The following FOXP2 variants were observed in gnomAD, a reference collection of about 807,000 sequenced individuals.
FOXP2 encodes forkhead box protein P2.
FOXP2 carries 12 observed loss-of-function variants against 115.8 expected under a neutral mutation model. That is an observed-to-expected ratio of 0.10 (90% CI 0.07 to 0.17). FOXP2 has a LOEUF of 0.17. FOXP2 is among the 10% of genes least tolerant of loss of function. FOXP2 has a pLI of 1.00. For synonymous variants in FOXP2, 328 were observed against 297.7 expected, an observed-to-expected ratio of 1.10 and a Z score of -1.05; for missense variants, 629 against 843.5, an observed-to-expected ratio of 0.75 and a Z score of 3.15.
chr7:114,518,940 C>T (rs972195469), intron 2 of FOXP2, among the ~76,000 whole-genome samples: 5 of 152,030 alleles, frequency 3.3e-5, no homozygotes, highest in African/African-American at 7.3e-5. Flanking sequence ...TTTGCATCAC[C>T]GTCATTATTC....
chr7:114,538,244 A>T (rs1799491692), intron 3 of FOXP2: 1 of 1,045,318 alleles, frequency 9.6e-7, no homozygotes, highest in African/African-American at 1.7e-5. Context: ...ATACATTTTC[A>T]ATTTTCTAGC....
intron 2 of FOXP2, among the ~76,000 whole-genome samples, chr7:114,355,746 G>C (rs1202928918): frequency 6.6e-6 from 1 of 152,082 alleles, no homozygotes; most frequent in Non-Finnish European, 1.5e-5. Flanking sequence ...TGATGGCCGG[G>C]GCTAGTTGAT....
At chr7:114,661,829 T>TA in intron 13 of FOXP2, 1 of 471,506 alleles carries the variant, frequency 2.1e-6, no homozygotes, top group South Asian at 2.1e-5. Flanking sequence ...AAGGAAGGTT[T>TA]TGACACAGCT....
chr7:114,664,256 A>G lies in FOXP2; in HGVS notation c.1840-17A>G. Reference sequence around the variant, plus strand: ...TGCCATTTTGAAAGTTGTTTTACACAATCTTCATTTCACTAGGCTGCCTTG... The same window carrying G: ...TGCCATTTTGAAAGTTGTTTTACACGATCTTCATTTCACTAGGCTGCCTTG... On this transcript the variant is annotated splice_polypyrimidine_tract_variant and intron_variant, in intron 15 of 16. Coordinates refer to ENST00000350908, the MANE Select transcript of FOXP2 (RefSeq NM_014491.4). 5 of 1,612,092 alleles carry G rather than the reference A, an allele frequency of 3.1e-6. No individual in the cohort carries two copies. Among genetic ancestry groups the G allele is most frequent in the Non-Finnish European group, 4.2e-6 (5 of 1,179,470 alleles).
intron 1 of FOXP2, among the ~76,000 whole-genome samples, chr7:114,187,682 T>A (rs1456515766): frequency 6.6e-6 from 1 of 152,242 alleles, no homozygotes; most frequent in Non-Finnish European, 1.5e-5. Flanking sequence ...TGTACATTTT[T>A]AGGTATTTGT....
chr7:114,172,270 C>T (rs560437107), intron 1 of FOXP2, among the ~76,000 whole-genome samples: 12 of 152,084 alleles, frequency 7.9e-5, no homozygotes, highest in Admixed American at 5.2e-4. Context: ...ACTGAACCTG[C>T]GATACCTCCA....
chr7:114,575,359 G>T (rs1801519250), intron 3 of FOXP2, among the ~76,000 whole-genome samples: 1 of 151,856 alleles, frequency 6.6e-6, no homozygotes, highest in African/African-American at 2.4e-5. Flanking sequence ...TTGCTTGGAT[G>T]AAAGAGTCAA....
chr7:114,158,109 A>G (rs369341386), upstream of FOXP2, among the ~76,000 whole-genome samples: 3 of 152,248 alleles, frequency 2.0e-5, no homozygotes, highest in South Asian at 2.1e-4. Flanking sequence ...GCAAAAGAGG[A>G]TGAAAAATTG....
At chr7:114,551,496 A>G (rs1800205414) in intron 3 of FOXP2, among the ~76,000 whole-genome samples, 1 of 152,208 alleles carries the variant, frequency 6.6e-6, no homozygotes. Context: ...TCACTTACAG[A>G]TGAGCAGAAT....
At chr7:114,670,543 T>C (rs1399426794) in intron 16 of FOXP2, among the ~76,000 whole-genome samples, 3 of 152,196 alleles carry the variant, frequency 2.0e-5, no homozygotes, top group Non-Finnish European at 4.4e-5. Context: ...GATAATATTT[T>C]GCCCCATAGA....
chr7:114,407,909 A>C (rs1793072874), intron 2 of FOXP2, among the ~76,000 whole-genome samples: 1 of 152,178 alleles, frequency 6.6e-6, no homozygotes, highest in African/African-American at 2.4e-5. Context: ...ATATTAGTCC[A>C]TGTTTCATCA....
intron 2 of FOXP2, among the ~76,000 whole-genome samples, chr7:114,448,344 G>A (rs1037501990): frequency 2.6e-5 from 4 of 151,962 alleles, no homozygotes; most frequent in Non-Finnish European, 5.9e-5. Context: ...TATCTCCTTT[G>A]ATTCATGAGC....
intron 3 of FOXP2, among the ~76,000 whole-genome samples, chr7:114,569,049 C>A (rs1563005303): frequency 6.6e-6 from 1 of 151,820 alleles, no homozygotes; most frequent in Non-Finnish European, 1.5e-5. Context: ...AGTGTCACGG[C>A]AGATTTGGAG....
intron 2 of FOXP2, among the ~76,000 whole-genome samples, chr7:114,408,171 A>G (rs1422722999): frequency 1.3e-5 from 2 of 152,028 alleles, no homozygotes; most frequent in African/African-American, 4.8e-5. Flanking sequence ...TATTTTTCTC[A>G]GTTTTTGTCA....
intron 2 of FOXP2, among the ~76,000 whole-genome samples, chr7:114,522,903 A>G (rs1042616523): frequency 1.4e-4 from 21 of 152,062 alleles, no homozygotes; most frequent in Non-Finnish European, 2.5e-4. Flanking sequence ...ATTGGCTTCA[A>G]AATGTTACAC....
chr7:114,389,906 C>G (rs1368808421), intron 2 of FOXP2, among the ~76,000 whole-genome samples: 1 of 151,388 alleles, frequency 6.6e-6, no homozygotes, highest in Admixed American at 6.6e-5. Context: ...CTCCTGTAAT[C>G]CTAGCTACTC....
chr7:114,550,422 T>C (rs1014918970), intron 3 of FOXP2, among the ~76,000 whole-genome samples: 2 of 152,120 alleles, frequency 1.3e-5, no homozygotes, highest in Non-Finnish European at 2.9e-5. Context: ...GGCCTCATCT[T>C]TCTTTTGAAG....
chr7:114,633,295 C>T (rs1381488043), intron 6 of FOXP2, among the ~76,000 whole-genome samples: 1 of 152,020 alleles, frequency 6.6e-6, no homozygotes. Flanking sequence ...ATGATATAAT[C>T]ATTCTAATAG....
At chr7:114,512,704 G>C (rs1377473137) in intron 2 of FOXP2, among the ~76,000 whole-genome samples, 1 of 152,108 alleles carries the variant, frequency 6.6e-6, no homozygotes, top group Non-Finnish European at 1.5e-5. Context: ...CCATAATTTT[G>C]TTTTTATGCA....
Sources: allele counts gnomAD v4.1 joint callset (sites outside exome capture counted in the v4.1 genomes callset), GRCh38; gene constraint gnomAD v4.1.1; transcripts MANE v1.5; gene names NCBI Gene and HGNC (gene_info 2026-07-23, HGNC 2026-07-21).